Variants in PPP2R2A observed in about 807,000 individuals in gnomAD.
The protein encoded by PPP2R2A is serine/threonine-protein phosphatase 2A 55 kDa regulatory subunit B alpha isoform.
A neutral mutation model predicts 53.2 loss-of-function variants in PPP2R2A; 9 were observed. The observed-to-expected ratio is 0.17, with a 90% confidence interval of 0.10 to 0.30. The LOEUF (loss-of-function observed/expected upper bound fraction) is 0.30. Ranked by LOEUF, PPP2R2A falls within the 10% of genes least tolerant of loss-of-function variation. The probability of loss-of-function intolerance (pLI) is 1.00; values close to 1 mark genes in which losing one functional copy is unlikely to be tolerated. For missense variants in PPP2R2A, 235 were observed against 534.6 expected, an observed-to-expected ratio of 0.44 and a Z score of 5.53; for synonymous variants, 169 against 174.2, an observed-to-expected ratio of 0.97 and a Z score of 0.23.
intron 2 of PPP2R2A, among the ~76,000 whole-genome samples, chr8:26,330,254 A>T: frequency 6.9e-6 from 1 of 145,666 alleles, no homozygotes. Context: ...TTTTAGTCAC[A>T]TTTTTGTCTT....
intron 3 of PPP2R2A, among the ~76,000 whole-genome samples, chr8:26,341,771 T>C (rs1480358428): frequency 1.3e-5 from 2 of 152,220 alleles, no homozygotes; most frequent in African/African-American, 2.4e-5. Context: ...AACTTGACTT[T>C]ACTGGAGACC....
chr8:26,352,500 C>G (rs547964754), intron 3 of PPP2R2A, among the ~76,000 whole-genome samples: 1 of 152,218 alleles, frequency 6.6e-6, no homozygotes, highest in South Asian at 2.1e-4. Context: ...TTTAAAAGTT[C>G]TGTTATGATC....
chr8:26,347,194 A>T (rs6557913), intron 3 of PPP2R2A, among the ~76,000 whole-genome samples: 2,866 of 151,606 alleles, frequency 0.019, 87 homozygotes, highest in African/African-American at 0.066. Context: ...TTTTAATCTA[A>T]CACCAGGTAG....
Position 26,354,674 on chromosome 8 carries a change from A to T in PPP2R2A, c.346+41A>T. 2 of 1,441,164 alleles carry T rather than the reference A, an allele frequency of 1.4e-6. No homozygotes were observed. The allele number at this position is 1,441,164 out of a possible 1,614,324, so 89.3% of individuals were successfully genotyped here. A position where few individuals can be genotyped will look rare whatever the true frequency, so the allele number is the denominator to read the frequency against. Reference sequence around the variant, plus strand: ...TTCTTTCCATGTGCCCACTGTGTGTACCTGTTGCACATATCCTGTAGCCTA... The same window carrying T: ...TTCTTTCCATGTGCCCACTGTGTGTTCCTGTTGCACATATCCTGTAGCCTA... On this transcript the variant is annotated intron_variant, in intron 4 of 9. Coordinates refer to ENST00000380737, the MANE Select transcript of PPP2R2A (RefSeq NM_002717.4). The surrounding 1 kb of genome is among the most constrained non-coding windows in gnomAD (Gnocchi z 4.6).
At chr8:26,365,651 T>A (rs1477245546) in intron 8 of PPP2R2A, 1 of 152,164 alleles carries the variant, frequency 6.6e-6, no homozygotes, top group Non-Finnish European at 1.5e-5. Context: ...TTTCTCAGAC[T>A]TTTTAAATAT....
At chr8:26,324,172 A>G (rs905830493) in intron 2 of PPP2R2A, among the ~76,000 whole-genome samples, 14 of 152,228 alleles carry the variant, frequency 9.2e-5, no homozygotes, top group African/African-American at 3.1e-4. Flanking sequence ...GCTCATTCCT[A>G]TGTCTTCATT....
chr8:26,318,101 A>G (rs1007310206), intron 2 of PPP2R2A, among the ~76,000 whole-genome samples: 2 of 152,138 alleles, frequency 1.3e-5, no homozygotes, highest in Non-Finnish European at 2.9e-5. Flanking sequence ...TGAAGGTGCC[A>G]GGATGTGCCA....
chr8:26,327,310 G>A (rs538364630), intron 2 of PPP2R2A, among the ~76,000 whole-genome samples: 322 of 152,254 alleles, frequency 2.1e-3, no homozygotes, highest in South Asian at 0.018. Context: ...TGCCCTTCCC[G>A]CCCTTCAGCC....
chr8:26,343,743 T>G (rs1804069239), intron 3 of PPP2R2A, among the ~76,000 whole-genome samples: 1 of 152,198 alleles, frequency 6.6e-6, no homozygotes, highest in South Asian at 2.1e-4. Flanking sequence ...AAAATATTCA[T>G]AATTGAGTAA....
At chr8:26,301,448 C>T (rs1179247508) in intron 2 of PPP2R2A, among the ~76,000 whole-genome samples, 1 of 151,634 alleles carries the variant, frequency 6.6e-6, no homozygotes, top group Non-Finnish European at 1.5e-5. Flanking sequence ...TCCTCCTGCC[C>T]CAGCCTCCTG....
intron 3 of PPP2R2A, among the ~76,000 whole-genome samples, chr8:26,345,922 T>C (rs182083225): frequency 6.6e-6 from 1 of 152,304 alleles, no homozygotes; most frequent in African/African-American, 2.4e-5. Context: ...CACGAGGCAT[T>C]ATGTTTTTCA....
intron 2 of PPP2R2A, among the ~76,000 whole-genome samples, chr8:26,313,669 A>G (rs1802400205): frequency 6.6e-6 from 1 of 152,214 alleles, no homozygotes; most frequent in Non-Finnish European, 1.5e-5. Context: ...TGTAAGCACA[A>G]GGATGCTATA....
intron 3 of PPP2R2A, among the ~76,000 whole-genome samples, chr8:26,341,071 A>G (rs977376423): frequency 6.6e-6 from 1 of 152,154 alleles, no homozygotes; most frequent in African/African-American, 2.4e-5. Flanking sequence ...CTTCTTAACT[A>G]TATTTAAGAA....
At position 26,338,862 on chromosome 8, in the gene PPP2R2A, CT is replaced by C. The variant is rs757454334; in HGVS notation, c.83-21del. ...TGAGTCGGGAAAGAAAAACTAATAT[CT>C]TTTTTTGTTTTGTCTCAATTATACA... On this transcript the variant is annotated intron_variant, in intron 2 of 9. Transcript: ENST00000380737. The surrounding 1 kb of genome is among the most constrained non-coding windows in gnomAD (Gnocchi z 4.5). The C allele has an allele frequency of 7.5e-6, 11 of 1,473,286 alleles. No homozygotes were observed. The South Asian group carries it at 1.1e-4, about 14-fold the overall frequency. The allele number at this position is 1,473,286 out of a possible 1,614,324, so 91.3% of individuals were successfully genotyped here.
intron 2 of PPP2R2A, among the ~76,000 whole-genome samples, chr8:26,323,246 G>A (rs948921948): frequency 6.6e-6 from 1 of 152,142 alleles, no homozygotes; most frequent in Non-Finnish European, 1.5e-5. Context: ...GATCAATCTA[G>A]CTGACTATGT....
chr8:26,357,304 G>A (rs1441279759), intron 4 of PPP2R2A, among the ~76,000 whole-genome samples: 1 of 138,888 alleles, frequency 7.2e-6, no homozygotes, highest in Non-Finnish European at 1.5e-5. Context: ...CCAATATAAT[G>A]GGTCTATATA....
intron 4 of PPP2R2A, among the ~76,000 whole-genome samples, chr8:26,356,323 G>A (rs553249115): frequency 7.9e-4 from 121 of 152,238 alleles, no homozygotes; most frequent in African/African-American, 2.8e-3. Context: ...AGCGTTGGCC[G>A]CCTCCTGGGT....
Position 26,360,335 on chromosome 8 carries a change from GC to G in PPP2R2A, c.459+57del. On this transcript the variant is annotated intron_variant, in intron 5 of 9. Transcript: ENST00000380737. The surrounding 1 kb of genome is among the most constrained non-coding windows in gnomAD (Gnocchi z 4.5). The stretch of plus-strand genomic sequence containing the variant: ...ATAGTGCTTGTATTCATATTATATA[GC>G]CCAAATCCTGAGCAGAGCTTGAATA... 9.6e-7 allele frequency: 1 copy of G among 1,044,368 alleles called. No individual in the cohort carries two copies. Among genetic ancestry groups the G allele is most frequent in the Non-Finnish European group, 1.4e-6 (1 of 694,650 alleles). 64.7% of individuals were successfully genotyped at this position (1,044,368 alleles called of 1,614,324 possible). A position where few individuals can be genotyped will look rare whatever the true frequency, so the allele number is the denominator to read the frequency against.
chr8:26,312,603 T>C (rs952870764), intron 2 of PPP2R2A, among the ~76,000 whole-genome samples: 2 of 152,232 alleles, frequency 1.3e-5, no homozygotes, highest in African/African-American at 4.8e-5. Context: ...AGTTTTGCAC[T>C]AGCTCTTAAA....
Sources: gnomAD v4.1 joint callset for allele counts (sites outside exome capture counted in the v4.1 genomes callset) on GRCh38, gnomAD v4.1.1 for gene constraint, Gnocchi (gnomAD v3.1) non-coding constraint, MANE v1.5 for transcripts, NCBI Gene and HGNC (gene_info 2026-07-23, HGNC 2026-07-21) for gene names.